Variants in SLC24A2 observed in about 807,000 individuals in gnomAD.
SLC24A2 encodes the protein solute carrier family 24 member 2, also known as sodium/potassium/calcium exchanger 2.
Under a neutral mutation model 62.0 loss-of-function variants are expected in SLC24A2, and 36 were observed. The observed-to-expected ratio is 0.58, with a 90% CI of 0.44 to 0.77. SLC24A2 has a LOEUF of 0.77. SLC24A2 is among the 30% of genes least tolerant of loss of function. The pLI is 0.00. For missense variants in SLC24A2, 846 were observed against 817.9 expected, an observed-to-expected ratio of 1.03 and a Z score of -0.42; for synonymous variants, 358 against 294.0, an observed-to-expected ratio of 1.22 and a Z score of -2.23.
rs775647494 is a variant in SLC24A2 at position 19,516,215 on chromosome 9, C to G, written c.1924G>C (p.Val642Leu). Residue 642 changes from valine (V) to leucine (L), a missense_variant, in exon 11 of 11, where the codon GTG becomes CTG. Physicochemically the swap from Val to Leu is conservative, Grantham distance 32. Transcript: ENST00000341998. ...LGFIMFGLYFVFLVVSVLLED... is the reference protein window; with the variant it reads ...LGFIMFGLYFLFLVVSVLLED... ...AGGAGAACGCTCACCACCAGGAACA[C>G]AAAGTAGAGGCCAAACATGATGAAG... 3 of 1,614,168 alleles carry G rather than the reference C, an allele frequency of 1.9e-6. No individual in the cohort carries two copies. The highest frequency in any genetic ancestry group is 1.7e-6 in the Non-Finnish European group (2 of 1,180,030).
chr9:19,525,390 ACTTTTTTT>A (rs1833391929), intron 9 of SLC24A2, among the ~76,000 whole-genome samples: 1 of 42,522 alleles, frequency 2.4e-5, no homozygotes, highest in East Asian at 6.8e-4. Context: ...CTATTTCTTT[ACTTTTTTT>A]TTTTTTTTTT....
At chr9:19,940,664 G>A in the SLC24A2 span, among the ~76,000 whole-genome samples, 1 of 152,080 alleles carries the variant, frequency 6.6e-6, no homozygotes, top group African/African-American at 2.4e-5. Context: ...TATAGATTCA[G>A]CTCTGAGGAT....
At chr9:19,843,373 G>A in the SLC24A2 span, among the ~76,000 whole-genome samples, 27 of 152,288 alleles carry the variant, frequency 1.8e-4, no homozygotes, top group Admixed American at 1.0e-3. Flanking sequence ...GTAGCCAGGC[G>A]TGGTGGCGCA....
chr9:20,248,127 C>T, the SLC24A2 span, among the ~76,000 whole-genome samples: 1 of 152,160 alleles, frequency 6.6e-6, no homozygotes, highest in Non-Finnish European at 1.5e-5. Context: ...CTCTGAGATA[C>T]AGTTTCTGAT....
the SLC24A2 span, among the ~76,000 whole-genome samples, chr9:20,142,808 C>G: frequency 6.6e-6 from 1 of 152,106 alleles, no homozygotes; most frequent in African/African-American, 2.4e-5. Context: ...GTTGGTCAGG[C>G]TGGTCTCGAA....
At chr9:19,620,671 C>G (rs1021154061) in intron 3 of SLC24A2, among the ~76,000 whole-genome samples, 1 of 152,164 alleles carries the variant, frequency 6.6e-6, no homozygotes, top group Non-Finnish European at 1.5e-5. Context: ...GAACTGCTGT[C>G]TCCCCGTGGT....
intron 8 of SLC24A2, among the ~76,000 whole-genome samples, chr9:19,529,523 T>A (rs1833597987): frequency 6.6e-6 from 1 of 152,154 alleles, no homozygotes. Context: ...GTTTGTTAGC[T>A]TGGATGACTG....
intron 7 of SLC24A2, among the ~76,000 whole-genome samples, chr9:19,562,554 T>C (rs540926622): frequency 1.3e-5 from 2 of 152,274 alleles, no homozygotes; most frequent in South Asian, 4.1e-4. Flanking sequence ...GGCCTCTGAG[T>C]GCATCTTAAG....
chr9:19,786,593 C>G lies in SLC24A2; in HGVS notation c.274G>C (p.Asp92His), dbSNP rs1437735116. The G allele has an allele frequency of 2.5e-6, 4 of 1,614,152 alleles. No individual in the cohort carries two copies. Among genetic ancestry groups the G allele is most frequent in the Admixed American group, 1.7e-5 (1 of 60,018 alleles). ...YHQRTLLDLN[D>H]KILDYTPQPP... Reference sequence around the variant, plus strand: ...TGTGGAGTATAATCCAGAATCTTGTCATTTAAATCTAAGAGAGTTCTCTGA... The same window carrying G: ...TGTGGAGTATAATCCAGAATCTTGTGATTTAAATCTAAGAGAGTTCTCTGA... Residue 92 changes from aspartate (D) to histidine (H), a missense_variant, in exon 2 of 11, where the codon GAC (aspartate) becomes CAC (histidine). Physicochemically the swap from Asp to His is moderately conservative, Grantham distance 81. Coordinates refer to ENST00000341998, the MANE Select transcript of SLC24A2 (RefSeq NM_020344.4). This position sits in a 1 kb window ranked among gnomAD's most constrained non-coding sequence, Gnocchi z 5.0.
chr9:19,916,350 C>A, the SLC24A2 span, among the ~76,000 whole-genome samples: 1 of 152,128 alleles, frequency 6.6e-6, no homozygotes, highest in Admixed American at 6.5e-5. Context: ...AGTCCTCCAA[C>A]TTTGTTCTTA....
the SLC24A2 span, among the ~76,000 whole-genome samples, chr9:20,161,100 T>C: frequency 6.6e-6 from 1 of 151,468 alleles, no homozygotes. Context: ...TGAAATACTG[T>C]TATATACACT....
intron 2 of SLC24A2, among the ~76,000 whole-genome samples, chr9:19,756,459 T>A (rs1021452177): frequency 6.6e-6 from 1 of 152,354 alleles, no homozygotes; most frequent in Middle Eastern, 3.4e-3. Flanking sequence ...GCTTTTTATA[T>A]AATGCTGTTA....
At chr9:19,859,889 G>C in the SLC24A2 span, among the ~76,000 whole-genome samples, 15 of 152,136 alleles carry the variant, frequency 9.9e-5, no homozygotes, top group Non-Finnish European at 1.6e-4. Context: ...ACATAAGGAG[G>C]GTGCATTTAA....
At chr9:19,765,344 G>A (rs993213183) in intron 2 of SLC24A2, among the ~76,000 whole-genome samples, 2 of 152,158 alleles carry the variant, frequency 1.3e-5, no homozygotes, top group African/African-American at 2.4e-5. Context: ...CCATTATGAT[G>A]CTAACTGGTT....
At chr9:19,820,772 T>G in the SLC24A2 span, among the ~76,000 whole-genome samples, 1 of 151,904 alleles carries the variant, frequency 6.6e-6, no homozygotes, top group Admixed American at 6.6e-5. Context: ...AAAGTTTATG[T>G]GATCAGAAGA....
intron 2 of SLC24A2, among the ~76,000 whole-genome samples, chr9:19,755,964 GGTTCACATA>G (rs1208059988): frequency 3.9e-5 from 6 of 152,252 alleles, no homozygotes; most frequent in Middle Eastern, 3.4e-3. Flanking sequence ...TAATGAGCTT[GGTTCACATA>G]AGTCCACCTA....
chr9:20,004,664 T>G, the SLC24A2 span, among the ~76,000 whole-genome samples: 1 of 152,244 alleles, frequency 6.6e-6, no homozygotes, highest in Admixed American at 6.5e-5. Context: ...GATTTTTTCC[T>G]TGAGGAAATT....
chr9:19,712,620 C>A (rs1009967017), intron 2 of SLC24A2, among the ~76,000 whole-genome samples: 1 of 152,174 alleles, frequency 6.6e-6, no homozygotes, highest in African/African-American at 2.4e-5. Flanking sequence ...TTTTCCTGAT[C>A]TGTAGCTGCT....
the SLC24A2 span, among the ~76,000 whole-genome samples, chr9:20,275,326 G>GA: frequency 2.0e-5 from 3 of 152,154 alleles, no homozygotes; most frequent in Middle Eastern, 3.4e-3. Context: ...GCACTTGCAA[G>GA]AAAAATCACA....
Sources: allele counts gnomAD v4.1 joint callset (sites outside exome capture counted in the v4.1 genomes callset), GRCh38; gene constraint gnomAD v4.1.1; non-coding constraint Gnocchi (gnomAD v3.1); transcripts MANE v1.5; gene names NCBI Gene and HGNC (gene_info 2026-07-23, HGNC 2026-07-21).